MTRR: variants seen among roughly 807,000 people sequenced by gnomAD.
MTRR encodes the protein methionine synthase reductase.
In MTRR, 63 loss-of-function variants were observed where a neutral mutation model predicts 79.2. That is an observed-to-expected ratio of 0.80 (90% CI 0.65 to 0.98). MTRR has a LOEUF of 0.98. MTRR is among the 50% of genes least tolerant of loss of function. MTRR has a pLI of 0.00. For missense variants in MTRR, 895 were observed against 839.6 expected (o/e 1.07, Z -0.82); for synonymous variants, 355 against 313.3 (o/e 1.13, Z -1.41).
In MTRR at chr5:7,871,236, T is replaced by C. The variant is rs190744689; in HGVS notation, c.129+313T>C. Reference sequence around the variant, plus strand: ...ACAAGTGAGATGTGTGTTTGCCTGCTCAGGTGTGCTTTCCACCTCTTGAAT... The same window carrying C: ...ACAAGTGAGATGTGTGTTTGCCTGCCCAGGTGTGCTTTCCACCTCTTGAAT... On this transcript the variant is annotated intron_variant, in intron 2 of 14. Coordinates refer to ENST00000440940, the MANE Select transcript of MTRR (RefSeq NM_002454.3). Among the ~76,000 whole-genome samples the C allele has an allele frequency of 3.6e-3, 554 of 152,030 alleles. 3 individuals are homozygous for C. The highest frequency in any genetic ancestry group is 0.014 in the Middle Eastern group (4 of 294).
intron 10 of MTRR, among the ~76,000 whole-genome samples, chr5:7,892,021 G>A (rs918325999): frequency 2.0e-5 from 3 of 152,088 alleles, no homozygotes; most frequent in East Asian, 3.9e-4. Flanking sequence ...CAGCCTGGGC[G>A]ACAGTGATAC....
At chr5:7,868,888 C>G, upstream of MTRR, 1 of 576,400 alleles carries the variant, frequency 1.7e-6, no homozygotes, top group Admixed American at 2.8e-5. Context: ...CGCTGAGACA[C>G]GGGCCGGGCG....
upstream of MTRR, chr5:7,868,200 GAAAAAAAA>G (rs34274545): frequency 9.7e-4 from 219 of 224,660 alleles, no homozygotes; most frequent in Middle Eastern, 2.7e-3. Context: ...CGAGTATCTG[GAAAAAAAA>G]AAAAAAAAAA....
intron 11 of MTRR, 131 bp from the exon 12 acceptor site, chr5:7,895,603 G>C: frequency 8.2e-7 from 1 of 1,212,796 alleles, no homozygotes; most frequent in Non-Finnish European, 1.2e-6. Flanking sequence ...AATAAAATCT[G>C]ATGCCACTAT....
chr5:7,893,467 C>T (rs1359082479), intron 11 of MTRR: 1 of 159,198 alleles, frequency 6.3e-6, no homozygotes, highest in East Asian at 1.8e-4. Flanking sequence ...AATACTTTTA[C>T]AACACCTAGG....
intron 6 of MTRR, among the ~76,000 whole-genome samples, chr5:7,884,460 T>C (rs1022290681): frequency 2.6e-5 from 4 of 152,124 alleles, no homozygotes; most frequent in African/African-American, 9.6e-5. Flanking sequence ...TAACACCACG[T>C]AAGTAGTTGC....
chr5:7,866,832 G>C, upstream of MTRR: 2 of 1,614,080 alleles, frequency 1.2e-6, no homozygotes, highest in Non-Finnish European at 1.7e-6. Context: ...AAATAATTGA[G>C]TTTCCCAAAT....
rs531596693 is a variant in MTRR, at chr5:7,869,196, G to A, written c.-45G>A. ...TGGAAGTCGCGTTGTGCAGGTTCGT[G>A]CCCGGCTGGCGCGGCGTGGGTAAGC... On this transcript the variant is annotated 5_prime_UTR_variant, in exon 1 of 15. Transcript: ENST00000440940. The A allele has an allele frequency of 7.5e-6, 12 of 1,609,350 alleles. No individual in the cohort carries two copies. Among genetic ancestry groups the A allele is most frequent in the Admixed American group, 6.7e-5 (4 of 59,998 alleles).
intron 1 of MTRR, among the ~76,000 whole-genome samples, chr5:7,857,883 T>G (rs1408150219): frequency 6.6e-6 from 1 of 152,178 alleles, no homozygotes; most frequent in Admixed American, 6.5e-5. Context: ...GAGCATCTGA[T>G]TCTGATGAGC....
chr5:7,865,476 A>G (rs1469726407), upstream of MTRR, among the ~76,000 whole-genome samples: 4 of 152,188 alleles, frequency 2.6e-5, no homozygotes, highest in African/African-American at 4.8e-5. Context: ...ACTAAACTCT[A>G]TTAGATAAAA....
At chr5:7,863,996 T>C (rs1043048914) in intron 2 of MTRR, among the ~76,000 whole-genome samples, 1 of 152,130 alleles carries the variant, frequency 6.6e-6, no homozygotes, top group Non-Finnish European at 1.5e-5. Flanking sequence ...ACTACAGGCG[T>C]GTGCCATCAT....
At chr5:7,887,798 A>G (rs1286632337) in intron 8 of MTRR, among the ~76,000 whole-genome samples, 4 of 25,862 alleles carry the variant, frequency 1.5e-4, no homozygotes, top group African/African-American at 5.6e-4. Context: ...GTGTGCATAT[A>G]TATATATATA....
chr5:7,868,733 C>G (rs1747265373), upstream of MTRR, among the ~76,000 whole-genome samples: 1 of 152,164 alleles, frequency 6.6e-6, no homozygotes, highest in Non-Finnish European at 1.5e-5. Flanking sequence ...GGTGGGGCGG[C>G]CAGTCCAGAT....
At chr5:7,880,226 C>T (rs1410071769) in intron 5 of MTRR, among the ~76,000 whole-genome samples, 1 of 152,240 alleles carries the variant, frequency 6.6e-6, no homozygotes, top group Non-Finnish European at 1.5e-5. Context: ...ATAGAGTAGG[C>T]TAGTGTGGTG....
upstream of MTRR, chr5:7,867,101 T>C: frequency 6.2e-7 from 1 of 1,614,150 alleles, no homozygotes; most frequent in East Asian, 2.2e-5. Flanking sequence ...GTTAGTGAAA[T>C]GTGGGACATG....
chr5:7,890,395 A>G, intron 9 of MTRR: 1 of 985,432 alleles, frequency 1.0e-6, no homozygotes, highest in African/African-American at 1.7e-5. Context: ...CAGCAGGAAT[A>G]GGATGACAGA....
chr5:7,866,163 C>A (rs559060390), upstream of MTRR, among the ~76,000 whole-genome samples: 7 of 152,248 alleles, frequency 4.6e-5, no homozygotes, highest in South Asian at 1.2e-3. Flanking sequence ...ATGAAATTGA[C>A]TTCCAAGAAC....
Position 7,871,020 on chromosome 5 carries a change from A to G in MTRR, c.129+97A>G. 4.3e-6 allele frequency: 6 copies of G among 1,380,306 alleles called. No homozygotes were observed. In the East Asian group the frequency reaches 6.9e-5, roughly 16 times the overall value. The allele number at this position is 1,380,306 out of a possible 1,614,324, so 85.5% of individuals were successfully genotyped here. A position where few individuals can be genotyped will look rare whatever the true frequency, so the allele number is the denominator to read the frequency against. On this transcript the variant is annotated intron_variant, in intron 2 of 14. Coordinates refer to ENST00000440940, the MANE Select transcript of MTRR (RefSeq NM_002454.3). ...AACAAAAGGACACTAATACCACCACATAGTCTTTGTTTTTTAACAGAAATG... is the reference window on the plus strand; with the variant it reads ...AACAAAAGGACACTAATACCACCACGTAGTCTTTGTTTTTTAACAGAAATG...
At chr5:7,886,410 A>G (rs1029590207) in intron 7 of MTRR, among the ~76,000 whole-genome samples, 1 of 151,920 alleles carries the variant, frequency 6.6e-6, no homozygotes, top group Non-Finnish European at 1.5e-5. Flanking sequence ...TCTTGAATTT[A>G]TAGTCTTCTT....
Sources: allele counts gnomAD v4.1 joint callset (sites outside exome capture counted in the v4.1 genomes callset), GRCh38; gene constraint gnomAD v4.1.1; transcripts MANE v1.5; gene names NCBI Gene and HGNC (gene_info 2026-07-23, HGNC 2026-07-21).